ERC1: variants seen among roughly 807,000 people sequenced by gnomAD.
The protein encoded by ERC1 is ELKS/RAB6-interacting/CAST family member 1.
ERC1 carries 56 observed loss-of-function variants against 132.0 expected under a neutral mutation model. The observed-to-expected ratio is 0.42, with a 90% CI of 0.34 to 0.53. The LOEUF (loss-of-function observed/expected upper bound fraction) is 0.53, where lower values mean the gene tolerates loss of function less well. ERC1 is among the 20% of genes least tolerant of loss of function. ERC1 has a pLI of 0.03. For missense variants in ERC1, 1,202 were observed against 1,349.9 expected (o/e 0.89, Z 1.72); for synonymous variants, 478 against 476.1 (o/e 1.00, Z -0.05).
At chr12:1,183,568 A>C (rs1370974637) in intron 11 of ERC1, 147 bp downstream of exon 11, 1 of 464,526 alleles carries the variant, frequency 2.2e-6, no homozygotes, top group Non-Finnish European at 3.8e-6. Context: ...TAATTATCTT[A>C]GCATTCTTAT....
chr12:1,073,299 C>CA (rs1248207176), intron 2 of ERC1, among the ~76,000 whole-genome samples: 13 of 149,410 alleles, frequency 8.7e-5, no homozygotes, highest in East Asian at 2.0e-4. Flanking sequence ...GACTCCTTCT[C>CA]AAAAAAAAAT....
Position 1,150,827 on chromosome 12 carries a change from A to G in ERC1, c.1737+9040A>G, listed in dbSNP as rs192017942. Among the ~76,000 whole-genome samples the G allele has an allele frequency of 2.2e-3, 329 of 152,304 alleles. 2 individuals are homozygous for G. Among genetic ancestry groups the G allele is most frequent in the Admixed American group, 5.3e-3 (81 of 15,298 alleles). On this transcript the variant is annotated intron_variant, in intron 8 of 18. Transcript: ENST00000360905. ...AAAGTCCAAGAAACTGTCACAGCCA[A>G]GAAGAGCCAAGGAGACATGCCATCC... is the stretch of plus-strand genomic sequence containing the variant.
intron 4 of ERC1, among the ~76,000 whole-genome samples, chr12:1,108,700 A>G (rs1200090295): frequency 2.6e-5 from 4 of 152,236 alleles, no homozygotes; most frequent in African/African-American, 9.6e-5. Flanking sequence ...TGGTTTAGGT[A>G]TAGAATGACT....
chr12:1,428,527 C>G (rs974110345), intron 17 of ERC1, among the ~76,000 whole-genome samples: 11 of 151,970 alleles, frequency 7.2e-5, no homozygotes, highest in African/African-American at 2.2e-4. Context: ...CGTTACTCAC[C>G]CCCCTCAGTT....
intron 12 of ERC1, among the ~76,000 whole-genome samples, chr12:1,235,109 C>T (rs1166512625): frequency 6.6e-6 from 1 of 152,188 alleles, no homozygotes; most frequent in Non-Finnish European, 1.5e-5. Context: ...TGACTCATGC[C>T]TGTAATCCCA....
chr12:995,341 A>G (rs1960616387), intron 1 of ERC1, among the ~76,000 whole-genome samples: 2 of 152,158 alleles, frequency 1.3e-5, no homozygotes, highest in African/African-American at 4.8e-5. Flanking sequence ...ATCTCTGACC[A>G]AGGTGAAATG....
At chr12:1,339,284 G>A (rs2083592421) in intron 15 of ERC1, among the ~76,000 whole-genome samples, 1 of 143,838 alleles carries the variant, frequency 7.0e-6, no homozygotes, top group South Asian at 2.2e-4. Context: ...CCCCCATGTA[G>A]GCATTCACTG....
At chr12:1,146,307 G>GTTTTTTTTTTTTTTTTTTT (rs1346178811) in intron 8 of ERC1, among the ~76,000 whole-genome samples, 2 of 59,392 alleles carry the variant, frequency 3.4e-5, no homozygotes, top group Non-Finnish European at 6.2e-5. Context: ...GTATTTTACT[G>GTTTTTTTTTTTTTTTTTTT]GTTTTTTTTT....
At chr12:1,181,881 T>C (rs1954515142) in intron 9 of ERC1, 44 bp from the exon 10 acceptor site, 1 of 1,580,284 alleles carries the variant, frequency 6.3e-7, no homozygotes, top group East Asian at 2.2e-5. Context: ...GTCATATAAG[T>C]GCAAAAGGGA....
rs961481923 is a variant in ERC1 at position 1,492,224 on chromosome 12, G to A, written c.*1994G>A. The stretch of plus-strand genomic sequence containing the variant: ...TGATAGCCAGGCTGGCCAGAGAGGG[G>A]TGCAGGGGTTAGATAGTAAGTGGTG... On this transcript the variant is annotated 3_prime_UTR_variant, in exon 19 of 19. Transcript: ENST00000360905. 4 of 233,178 alleles carry A rather than the reference G, an allele frequency of 1.7e-5. No homozygotes were observed. Among genetic ancestry groups the A allele is most frequent in the African/African-American group, 2.2e-5 (1 of 45,350 alleles). The allele number at this position is 233,178 out of a possible 1,614,324, so 14.4% of individuals were successfully genotyped here. A position where few individuals can be genotyped will look rare whatever the true frequency, so the allele number is the denominator to read the frequency against.
At chr12:1,058,789 G>GTTT (rs33992098) in intron 2 of ERC1, among the ~76,000 whole-genome samples, 19,402 of 129,820 alleles carry the variant, frequency 0.15, 1,992 homozygotes, top group Admixed American at 0.22. Flanking sequence ...TGGAAAGTAT[G>GTTT]TTTTTTTTTT....
At chr12:999,038 T>C (rs887009908) in intron 1 of ERC1, among the ~76,000 whole-genome samples, 20 of 152,062 alleles carry the variant, frequency 1.3e-4, no homozygotes, top group African/African-American at 4.8e-4. Flanking sequence ...TTTTGTATTT[T>C]TAGTAGAGAT....
intron 12 of ERC1, among the ~76,000 whole-genome samples, chr12:1,213,903 C>CA (rs1227905833): frequency 9.9e-5 from 14 of 140,860 alleles, no homozygotes; most frequent in Admixed American, 1.4e-4. Context: ...ACTCTGTCTC[C>CA]AAAAAAAAAG....
intron 2 of ERC1, among the ~76,000 whole-genome samples, chr12:1,059,394 G>A (rs1219422451): frequency 2.0e-5 from 3 of 152,070 alleles, no homozygotes; most frequent in African/African-American, 7.2e-5. Flanking sequence ...GTGAAAAGTT[G>A]GCATACTTGT....
At chr12:1,008,262 T>C (rs1238484399) in intron 1 of ERC1, among the ~76,000 whole-genome samples, 4 of 152,202 alleles carry the variant, frequency 2.6e-5, no homozygotes, top group East Asian at 1.9e-4. Context: ...GGGACAACAG[T>C]AGCTGCCAGA....
intron 8 of ERC1, among the ~76,000 whole-genome samples, chr12:1,154,643 G>C (rs977006661): frequency 2.0e-5 from 3 of 151,418 alleles, no homozygotes; most frequent in African/African-American, 7.3e-5. Context: ...CTACAGAATG[G>C]GAGAAAATAT....
At chr12:1,260,753 T>C (rs748099120) in intron 13 of ERC1, among the ~76,000 whole-genome samples, 1 of 152,238 alleles carries the variant, frequency 6.6e-6, no homozygotes, top group Admixed American at 6.5e-5. Flanking sequence ...TATTTTACTA[T>C]CCTAGTTTGA....
At chr12:1,075,164 T>A (rs1453422392) in intron 2 of ERC1, among the ~76,000 whole-genome samples, 1 of 152,132 alleles carries the variant, frequency 6.6e-6, no homozygotes, top group African/African-American at 2.4e-5. Flanking sequence ...TTTCTTCTTT[T>A]AAAATGTTTC....
At chr12:1,225,262 C>A (rs1355877151) in intron 12 of ERC1, among the ~76,000 whole-genome samples, 1 of 151,886 alleles carries the variant, frequency 6.6e-6, no homozygotes, top group Non-Finnish European at 1.5e-5. Flanking sequence ...AGTTCAAGAC[C>A]AGCCTGGGCA....
Sources: gnomAD v4.1 joint callset for allele counts (sites outside exome capture counted in the v4.1 genomes callset) on GRCh38, gnomAD v4.1.1 for gene constraint, MANE v1.5 for transcripts, NCBI Gene and HGNC (gene_info 2026-07-23, HGNC 2026-07-21) for gene names.